Variants in MAP4K3 observed in about 807,000 individuals in gnomAD.
MAP4K3 encodes the protein MAPK/ERK kinase kinase kinase 3.
MAP4K3 carries 94 observed loss-of-function variants against 143.5 expected under a neutral mutation model. The ratio of observed to expected loss-of-function variants is 0.65; its 90% CI spans 0.55 to 0.78. The LOEUF is 0.78. Ranked by LOEUF, MAP4K3 falls within the 30% of genes least tolerant of loss-of-function variation. MAP4K3 has a pLI of 0.00. For missense variants in MAP4K3, 1,077 were observed against 1,068.1 expected (o/e 1.01, Z -0.12); for synonymous variants, 416 against 347.2 (o/e 1.20, Z -2.20).
chr2:39,299,206 T>C (rs539075377), intron 16 of MAP4K3, among the ~76,000 whole-genome samples: 1 of 152,316 alleles, frequency 6.6e-6, no homozygotes, highest in South Asian at 2.1e-4. Context: ...CCTCTGTGCC[T>C]CTATCAATTA....
chr2:39,414,356 A>C (rs1667309957), intron 1 of MAP4K3, among the ~76,000 whole-genome samples: 1 of 152,232 alleles, frequency 6.6e-6, no homozygotes, highest in Admixed American at 6.5e-5. Flanking sequence ...CTTCTATTAA[A>C]TAGTTTTCAC....
At chr2:39,391,376 A>AAAAG (rs1341156912) in intron 1 of MAP4K3, among the ~76,000 whole-genome samples, 1 of 150,038 alleles carries the variant, frequency 6.7e-6, no homozygotes, top group East Asian at 1.9e-4. Flanking sequence ...AAAAAAAAAA[A>AAAAG]AAAAAGAAAG....
At chr2:39,337,057 T>C in intron 5 of MAP4K3, 90 bp from the exon 6 acceptor site, 1 of 620,920 alleles carries the variant, frequency 1.6e-6, no homozygotes, top group East Asian at 3.0e-5. Context: ...GTATTCTGTG[T>C]ATTTTATTTA....
At chr2:39,268,634 A>ACTTTTTT (rs1680877205) in intron 26 of MAP4K3, among the ~76,000 whole-genome samples, 1 of 73,772 alleles carries the variant, frequency 1.4e-5, no homozygotes, top group Admixed American at 2.3e-4. Context: ...GATTTTTTCT[A>ACTTTTTT]TTTTTTTTTT....
rs182409742 is a variant in MAP4K3, at chr2:39,274,678, T to C, written c.1795-2136A>G. ...AGCTTCTATATTCTGCCTAGACTCA[T>C]ATATCTGTTTTATCAATGATTGTGT... On this transcript the variant is annotated intron_variant, in intron 24 of 33. Coordinates refer to ENST00000263881, the MANE Select transcript of MAP4K3 (RefSeq NM_003618.4). 3.0e-4 allele frequency among the ~76,000 whole-genome samples: 46 copies of C among 152,328 alleles called. No individual in the cohort carries two copies. In the South Asian group the frequency reaches 5.4e-3, roughly 18 times the overall value.
intron 15 of MAP4K3, among the ~76,000 whole-genome samples, chr2:39,306,221 TTTGA>T (rs1682702737): frequency 6.6e-6 from 1 of 152,262 alleles, no homozygotes; most frequent in Admixed American, 6.5e-5. Context: ...AATTTAAAAA[TTTGA>T]TTGTGTTGTC....
intron 1 of MAP4K3, among the ~76,000 whole-genome samples, chr2:39,399,810 A>C (rs1489983050): frequency 6.6e-6 from 1 of 152,190 alleles, no homozygotes; most frequent in Non-Finnish European, 1.5e-5. Context: ...TTTAGTGTTT[A>C]TTACAAGAGA....
intron 1 of MAP4K3, among the ~76,000 whole-genome samples, chr2:39,384,605 A>G (rs1666443948): frequency 6.6e-6 from 1 of 152,232 alleles, no homozygotes; most frequent in African/African-American, 2.4e-5. Context: ...AACTTTCTGC[A>G]TTGATGGAAA....
chr2:39,430,700 T>C (rs1008293586), intron 1 of MAP4K3, among the ~76,000 whole-genome samples: 1 of 152,232 alleles, frequency 6.6e-6, no homozygotes, highest in South Asian at 2.1e-4. Context: ...TAGGGGTATT[T>C]AGTTCAAAAT....
intron 15 of MAP4K3, among the ~76,000 whole-genome samples, chr2:39,306,750 T>A: frequency 6.6e-6 from 1 of 152,230 alleles, no homozygotes; most frequent in South Asian, 2.1e-4. Flanking sequence ...AGAGCCAGCA[T>A]CTGGTCCCTT....
At chr2:39,392,188 A>AAAAAAAAAAAAAAAAC (rs1468145627) in intron 1 of MAP4K3, among the ~76,000 whole-genome samples, 1 of 150,156 alleles carries the variant, frequency 6.7e-6, no homozygotes, top group Non-Finnish European at 1.5e-5. Flanking sequence ...CTACTCAAAA[A>AAAAAAAAAAAAAAAAC]AAAAAAAAAA....
intron 1 of MAP4K3, among the ~76,000 whole-genome samples, chr2:39,414,478 T>A (rs1276205462): frequency 6.6e-6 from 1 of 152,188 alleles, no homozygotes; most frequent in East Asian, 1.9e-4. Context: ...ATTTCAGTAA[T>A]GTTTTTGAGA....
intron 4 of MAP4K3, among the ~76,000 whole-genome samples, chr2:39,339,804 A>G (rs898797065): frequency 6.6e-6 from 1 of 152,168 alleles, no homozygotes; most frequent in Non-Finnish European, 1.5e-5. Context: ...GATCCCAGAA[A>G]AAAAACAACA....
Position 39,325,886 on chromosome 2 carries a change from T to G in MAP4K3, c.725+13A>C. The G allele has an allele frequency of 6.4e-7, 1 of 1,570,512 alleles. No homozygotes were observed. The highest frequency in any genetic ancestry group is 8.7e-7 in the Non-Finnish European group (1 of 1,147,936). On this transcript the variant is annotated intron_variant, in intron 10 of 33. Transcript: ENST00000263881. Reference sequence around the variant, plus strand: ...CATCTCACCATAAAAGTAAATAACATAAAAATACTTACCATTTCATTTTAT... The same window carrying G: ...CATCTCACCATAAAAGTAAATAACAGAAAAATACTTACCATTTCATTTTAT...
intron 1 of MAP4K3, among the ~76,000 whole-genome samples, chr2:39,388,472 T>C (rs1014755327): frequency 2.0e-5 from 3 of 152,208 alleles, no homozygotes; most frequent in Non-Finnish European, 4.4e-5. Flanking sequence ...ATCAGAGCTG[T>C]AAACAAAAGC....
At chr2:39,416,006 A>ATATATAAAAAT (rs1420812309) in intron 1 of MAP4K3, among the ~76,000 whole-genome samples, 1 of 75,886 alleles carries the variant, frequency 1.3e-5, no homozygotes, top group African/African-American at 7.2e-5. Flanking sequence ...TATATATATA[A>ATATATAAAAAT]AAATAACATT....
chr2:39,348,356 G>A (rs891769736), intron 3 of MAP4K3, among the ~76,000 whole-genome samples: 41 of 151,846 alleles, frequency 2.7e-4, no homozygotes, highest in African/African-American at 8.7e-4. Context: ...AAAAAATCAC[G>A]ACTATATAGT....
rs756241223 is a variant in MAP4K3, at chr2:39,333,615, A to AT, written c.415-42dup. 1.6e-5 allele frequency: 18 copies of AT among 1,155,604 alleles called. No individual in the cohort carries two copies. In the African/African-American group the frequency reaches 2.7e-4, roughly 18 times the overall value. 71.6% of individuals were successfully genotyped at this position (1,155,604 alleles called of 1,614,324 possible). On this transcript the variant is annotated intron_variant, in intron 6 of 33. Coordinates refer to ENST00000263881, the MANE Select transcript of MAP4K3 (RefSeq NM_003618.4). Reference sequence around the variant, plus strand: ...ATTTTAGTTAGAGTAGGAAATAGATATTTTATCAGACAGCACATATATAAT... The same window carrying AT: ...ATTTTAGTTAGAGTAGGAAATAGATATTTTTATCAGACAGCACATATATAAT...
At chr2:39,328,648 A>T (rs192842958) in intron 8 of MAP4K3, among the ~76,000 whole-genome samples, 1 of 152,182 alleles carries the variant, frequency 6.6e-6, no homozygotes. Flanking sequence ...TTACCACCAC[A>T]GCATACAAGT....
Sources: allele counts gnomAD v4.1 joint callset (sites outside exome capture counted in the v4.1 genomes callset), GRCh38; gene constraint gnomAD v4.1.1; transcripts MANE v1.5; gene names NCBI Gene and HGNC (gene_info 2026-07-23, HGNC 2026-07-21).